The following GREB1L variants were observed in gnomAD, a reference collection of about 807,000 sequenced individuals.
GREB1L encodes the protein GREB1-like protein.
A neutral mutation model predicts 200.8 loss-of-function variants in GREB1L; 17 were observed. That is an observed-to-expected ratio of 0.08 (90% CI 0.06 to 0.13). The LOEUF is 0.13. Ranked by LOEUF, GREB1L falls within the 10% of genes least tolerant of loss-of-function variation. The pLI is 1.00. For synonymous variants in GREB1L, 789 were observed against 893.0 expected, an observed-to-expected ratio of 0.88 and a Z score of 2.08; for missense variants, 1,657 against 2,367.7, an observed-to-expected ratio of 0.70 and a Z score of 6.23.
intron 1 of GREB1L, among the ~76,000 whole-genome samples, chr18:21,311,855 G>A (rs1456252883): frequency 6.6e-6 from 1 of 151,908 alleles, no homozygotes; most frequent in Non-Finnish European, 1.5e-5. Flanking sequence ...TTAGGTTCAA[G>A]GGTACATGTG....
chr18:21,286,680 T>C (rs907925307), intron 1 of GREB1L, among the ~76,000 whole-genome samples: 1 of 152,184 alleles, frequency 6.6e-6, no homozygotes, highest in African/African-American at 2.4e-5. Context: ...ATTATTATTA[T>C]CATTTGGGAC....
At chr18:21,500,458 C>A in intron 22 of GREB1L, 82 bp from the exon 23 acceptor site, 1 of 1,060,896 alleles carries the variant, frequency 9.4e-7, no homozygotes. Context: ...CACTGCAGAG[C>A]CAAGGTGTGA....
chr18:21,496,586 C>T lies in GREB1L; in HGVS notation c.3279C>T (p.Asp1093=), dbSNP rs1568059370. ...TCCGGGGACCCACTGTTGCCCTGGA[C>T]CTCAGCGGGAAGGAGCAGGAGAGAG... The part of the protein sequence containing the change: ...EVIRGPTVAL[D]LSGKEQERAA... The change falls in exon 21 of 33, where the codon GAC becomes GAT. Residue 1093 remains aspartate, a synonymous_variant. Transcript: ENST00000424526. 2 of 1,551,698 alleles carry T rather than the reference C, an allele frequency of 1.3e-6. No homozygotes were observed. Among genetic ancestry groups the T allele is most frequent in the Non-Finnish European group, 1.7e-6 (2 of 1,147,000 alleles).
At chr18:21,454,889 G>A (rs543476905) in intron 15 of GREB1L, 69 of 367,582 alleles carry the variant, frequency 1.9e-4, no homozygotes, top group African/African-American at 1.4e-3. Flanking sequence ...TGGGTTGATG[G>A]CGTCTGTGCC....
intron 29 of GREB1L, 69 bp downstream of exon 29, chr18:21,515,713 T>C: frequency 1.8e-6 from 2 of 1,103,494 alleles, no homozygotes; most frequent in Non-Finnish European, 2.6e-6. Flanking sequence ...CTCTAGCCTC[T>C]GTAATGCTTT....
intron 7 of GREB1L, among the ~76,000 whole-genome samples, chr18:21,430,170 C>T (rs1320094992): frequency 3.3e-5 from 5 of 152,108 alleles, no homozygotes; most frequent in East Asian, 3.9e-4. Flanking sequence ...AATACAGTCA[C>T]ATTCGAAGGT....
At chr18:21,470,177 A>T (rs946721431) in intron 15 of GREB1L, among the ~76,000 whole-genome samples, 1 of 151,826 alleles carries the variant, frequency 6.6e-6, no homozygotes, top group Non-Finnish European at 1.5e-5. Flanking sequence ...AGGCCCAGCT[A>T]CTCAGGACGC....
rs1411571493 is a variant in GREB1L, at chr18:21,395,512, T to C, written c.483T>C (p.Ala161=). 6.4e-7 allele frequency: 1 copy of C among 1,551,282 alleles called. No homozygotes were observed. Among genetic ancestry groups the C allele is most frequent in the Non-Finnish European group, 8.7e-7 (1 of 1,146,764 alleles). The change falls in exon 5 of 33, where the codon GCT becomes GCC. Residue 161 remains alanine (A), a synonymous_variant. Transcript: ENST00000424526. Reference sequence around the variant, plus strand: ...TGCCTGAACACATCCTAGTTTGTGCTGTGGACAAGCGATTTCTACCAGATG... The same window carrying C: ...TGCCTGAACACATCCTAGTTTGTGCCGTGGACAAGCGATTTCTACCAGATG... ...PNLPEHILVC[A]VDKRFLPDDH...
intron 15 of GREB1L, among the ~76,000 whole-genome samples, chr18:21,462,105 A>C (rs1879928748): frequency 6.6e-6 from 1 of 152,234 alleles, no homozygotes; most frequent in Admixed American, 6.5e-5. Context: ...CACTCATGTC[A>C]AAAGTAAGAT....
At chr18:21,455,005 A>G (rs2034690224) in intron 15 of GREB1L, 1 of 169,122 alleles carries the variant, frequency 5.9e-6, no homozygotes, top group Admixed American at 5.8e-5. Context: ...ACCATCCCCC[A>G]TGTCAGCAAT....
chr18:21,276,401 G>C (rs775884578), intron 1 of GREB1L, among the ~76,000 whole-genome samples: 1 of 152,122 alleles, frequency 6.6e-6, no homozygotes, highest in Non-Finnish European at 1.5e-5. Flanking sequence ...ATTCCCACCC[G>C]TTCTACATTC....
chr18:21,252,190 C>A (rs977952242), intron 1 of GREB1L, among the ~76,000 whole-genome samples: 1 of 152,132 alleles, frequency 6.6e-6, no homozygotes, highest in South Asian at 2.1e-4. Flanking sequence ...TACTATAGAA[C>A]TTTAATCAAC....
chr18:21,515,730 T>A, intron 29 of GREB1L, 86 bp downstream of exon 29: 1 of 961,792 alleles, frequency 1.0e-6, no homozygotes, highest in Non-Finnish European at 1.6e-6. Flanking sequence ...CTTTTATTCG[T>A]ATGTCTTCAG....
intron 15 of GREB1L, among the ~76,000 whole-genome samples, chr18:21,470,212 C>CAGTA (rs2035427541): frequency 6.6e-6 from 1 of 152,116 alleles, no homozygotes; most frequent in Non-Finnish European, 1.5e-5. Flanking sequence ...AGCTTGAGCC[C>CAGTA]AGTAGCTCAA....
chr18:21,457,296 A>C (rs1417265824), intron 15 of GREB1L, among the ~76,000 whole-genome samples: 1 of 152,198 alleles, frequency 6.6e-6, no homozygotes, highest in Non-Finnish European at 1.5e-5. Context: ...TCATTGTAAT[A>C]GACATGTTTG....
chr18:21,503,674 T>G (rs900762357), intron 23 of GREB1L, among the ~76,000 whole-genome samples: 19 of 151,990 alleles, frequency 1.3e-4, no homozygotes, highest in Middle Eastern at 6.8e-3. Flanking sequence ...CTTCCCAGGT[T>G]CAGGCGATTC....
intron 1 of GREB1L, among the ~76,000 whole-genome samples, chr18:21,256,148 C>G (rs929479139): frequency 6.6e-6 from 1 of 152,130 alleles, no homozygotes; most frequent in African/African-American, 2.4e-5. Context: ...TTTTGATTCT[C>G]TTTGTGGAAC....
intron 32 of GREB1L, 118 bp from the exon 33 acceptor site, chr18:21,522,540 A>G (rs1358213609): frequency 1.4e-6 from 1 of 727,080 alleles, no homozygotes; most frequent in Non-Finnish European, 2.1e-6. Flanking sequence ...ATTCTGATAG[A>G]TTGCTTATCC....
At chr18:21,515,693 T>C in intron 29 of GREB1L, 49 bp downstream of exon 29, 2 of 1,325,752 alleles carry the variant, frequency 1.5e-6, no homozygotes, top group South Asian at 1.3e-5. Context: ...TACTGATTGC[T>C]TCTGCCCAGC....
Sources: gnomAD v4.1 joint callset for allele counts (sites outside exome capture counted in the v4.1 genomes callset) on GRCh38, gnomAD v4.1.1 for gene constraint, MANE v1.5 for transcripts, NCBI Gene and HGNC (gene_info 2026-07-23, HGNC 2026-07-21) for gene names.